The following KALRN variants were observed in gnomAD, a reference collection of about 807,000 sequenced individuals.
The protein encoded by KALRN is kalirin RhoGEF kinase, also known as kalirin.
Under a neutral mutation model 353.7 loss-of-function variants are expected in KALRN, and 70 were observed. The observed-to-expected ratio is 0.20, with a 90% CI of 0.16 to 0.24. The LOEUF (loss-of-function observed/expected upper bound fraction) is 0.24. KALRN is among the 10% of genes least tolerant of loss of function. KALRN has a pLI of 1.00. For synonymous variants in KALRN, 1,391 were observed against 1,434.8 expected (o/e 0.97, Z 0.69); for missense variants, 2,791 against 3,756.7 (o/e 0.74, Z 6.72).
At chr3:124,365,676 A>C (rs532970205) in intron 10 of KALRN, among the ~76,000 whole-genome samples, 1 of 152,180 alleles carries the variant, frequency 6.6e-6, no homozygotes, top group African/African-American at 2.4e-5. Context: ...TTGTGTTGCT[A>C]ATTCTCATTT....
intron 3 of KALRN, among the ~76,000 whole-genome samples, chr3:124,257,998 G>A (rs1167627506): frequency 6.6e-6 from 1 of 152,172 alleles, no homozygotes; most frequent in Non-Finnish European, 1.5e-5. Context: ...AAAAAAAGCA[G>A]GCTACCTGTT....
chr3:124,697,874 C>A (rs2062128281), intron 55 of KALRN, 150 bp downstream of exon 55: 1 of 778,156 alleles, frequency 1.3e-6, no homozygotes, highest in Non-Finnish European at 1.9e-6. Flanking sequence ...ATTGCCCAGG[C>A]TGGTCTCAAA....
At position 124,496,335 on chromosome 3, in the gene KALRN, C is replaced by T. The variant is rs1428680786; in HGVS notation, c.4857C>T (p.Ser1619=). The T allele has an allele frequency of 8.7e-6, 14 of 1,612,704 alleles. No homozygotes were observed. The highest frequency in any genetic ancestry group is 1.2e-5 in the Non-Finnish European group (14 of 1,179,554). ...SKRDGVEDID[S]QGDGSSQPDT... ...GGGATGGAGTGGAGGATATTGACAG[C>T]CAGGGGGATGGGAGCAGCCAACCAG... The change falls in exon 33 of 60, where the codon AGC becomes AGT. Residue 1619 remains serine, a synonymous_variant. Coordinates refer to ENST00000682506, the MANE Select transcript of KALRN (RefSeq NM_001388419.1).
intron 33 of KALRN, among the ~76,000 whole-genome samples, chr3:124,532,951 AC>A (rs1200143030): frequency 1.3e-4 from 20 of 149,626 alleles, no homozygotes; most frequent in East Asian, 7.8e-4. Flanking sequence ...AAAAAAAAAA[AC>A]AAATACACAT....
chr3:124,641,832 G>A (rs996387045), intron 37 of KALRN, among the ~76,000 whole-genome samples: 1 of 152,194 alleles, frequency 6.6e-6, no homozygotes, highest in African/African-American at 2.4e-5. Flanking sequence ...ATGTTGCAGG[G>A]TAATAGTTTG....
intron 33 of KALRN, among the ~76,000 whole-genome samples, chr3:124,553,579 A>G (rs577183128): frequency 6.6e-5 from 10 of 152,224 alleles, no homozygotes; most frequent in African/African-American, 2.4e-4. Context: ...CTAACCATGA[A>G]TTGCTCTTTT....
chr3:124,115,412 G>C (rs1299264438), intron 1 of KALRN, among the ~76,000 whole-genome samples: 1 of 152,156 alleles, frequency 6.6e-6, no homozygotes, highest in African/African-American at 2.4e-5. Context: ...TGATTGTTTC[G>C]ATATGTTCTC....
At chr3:124,521,911 C>A (rs1010736507) in intron 33 of KALRN, among the ~76,000 whole-genome samples, 89 of 152,214 alleles carry the variant, frequency 5.8e-4, no homozygotes, top group Non-Finnish European at 4.4e-4. Flanking sequence ...AGGTGCCAGG[C>A]ACAGTTCTTG....
intron 45 of KALRN, among the ~76,000 whole-genome samples, chr3:124,664,200 A>C (rs144737895): frequency 1.3e-5 from 2 of 151,862 alleles, no homozygotes; most frequent in East Asian, 1.9e-4. Flanking sequence ...AACCTTGAAG[A>C]CCCCATGTTT....
In KALRN at chr3:124,694,332, T is replaced by C; in HGVS notation, c.7406T>C (p.Val2469Ala). The C allele has an allele frequency of 6.2e-7, 1 of 1,613,748 alleles. No individual in the cohort carries two copies. Among genetic ancestry groups the C allele is most frequent in the Non-Finnish European group, 8.5e-7 (1 of 1,179,736 alleles). Residue 2469 changes from valine to alanine, a missense_variant and splice_region_variant, in exon 53 of 60, where the codon GTG (valine) becomes GCG (alanine). Physicochemically the swap from Val to Ala is moderately conservative, Grantham distance 64. Transcript: ENST00000682506. ...TTAATGTATGTTGATTTGATCACAG[T>C]GGCCCCAGAATTCCTTGTGCCCTTG... ...EILNPNFIQE[V>A]APEFLVPLVD...
chr3:124,395,183 T>G lies in KALRN; in HGVS notation c.2011T>G (p.Cys671Gly). Residue 671 changes from cysteine (C) to glycine (G), a missense_variant, in exon 12 of 60, where the codon TGT becomes GGT. Cys to Gly is a radical substitution (Grantham distance 159). This residue lies in a region of KALRN where 452 missense variants were observed against 575.8 expected (regional missense o/e 0.78). Transcript: ENST00000682506. ...DLQKEMLEDV[C>G]ADSVDAVQEL... The stretch of plus-strand genomic sequence containing the variant: ...TCAGAAGGAGATGTTGGAGGATGTC[T>G]GTGCAGATTCTGTGGATGCAGTCCA... 6.2e-7 allele frequency: 1 copy of G among 1,613,620 alleles called. No homozygotes were observed. Among genetic ancestry groups the G allele is most frequent in the Non-Finnish European group, 8.5e-7 (1 of 1,179,930 alleles).
intron 14 of KALRN, among the ~76,000 whole-genome samples, chr3:124,415,078 C>T (rs1397449349): frequency 6.6e-6 from 1 of 152,200 alleles, no homozygotes; most frequent in Non-Finnish European, 1.5e-5. Flanking sequence ...GTGCTGTGAA[C>T]AGACTGCCTC....
intron 33 of KALRN, among the ~76,000 whole-genome samples, chr3:124,503,787 A>C (rs2064891591): frequency 6.6e-6 from 1 of 152,242 alleles, no homozygotes; most frequent in African/African-American, 2.4e-5. Flanking sequence ...AATTTCTTCA[A>C]ATAAATGACT....
At chr3:124,535,134 T>C (rs1354982812) in intron 33 of KALRN, among the ~76,000 whole-genome samples, 1 of 152,066 alleles carries the variant, frequency 6.6e-6, no homozygotes, top group Non-Finnish European at 1.5e-5. Context: ...CAGTGCATGA[T>C]TATATAGTAA....
At chr3:124,342,030 G>T (rs1048672926) in intron 9 of KALRN, among the ~76,000 whole-genome samples, 1 of 152,066 alleles carries the variant, frequency 6.6e-6, no homozygotes, top group African/African-American at 2.4e-5. Context: ...GGGTTAAGAG[G>T]GGGTAGGGCC....
intron 1 of KALRN, among the ~76,000 whole-genome samples, chr3:124,158,633 C>G (rs763583484): frequency 2.6e-5 from 4 of 152,222 alleles, no homozygotes; most frequent in Non-Finnish European, 4.4e-5. Flanking sequence ...TGCAACTCAT[C>G]ATGTTAATGG....
intron 33 of KALRN, among the ~76,000 whole-genome samples, chr3:124,528,409 C>T (rs1369530697): frequency 6.6e-6 from 1 of 152,170 alleles, no homozygotes; most frequent in African/African-American, 2.4e-5. Context: ...AGGAATATGG[C>T]TCAGTCACAG....
intron 1 of KALRN, among the ~76,000 whole-genome samples, chr3:124,202,414 C>A (rs552324325): frequency 6.6e-6 from 1 of 152,050 alleles, no homozygotes; most frequent in Admixed American, 6.6e-5. Flanking sequence ...CCATGCCCAG[C>A]TAATTTTTGT....
chr3:124,099,217 CTA>C (rs1292427463), intron 1 of KALRN: 1 of 152,196 alleles, frequency 6.6e-6, no homozygotes, highest in Non-Finnish European at 1.5e-5. Flanking sequence ...CTCTTTCTGT[CTA>C]TATGTTTGTA....
Sources: allele counts gnomAD v4.1 joint callset (sites outside exome capture counted in the v4.1 genomes callset), GRCh38; gene constraint gnomAD v4.1.1; regional missense constraint gnomAD v4.1.1; transcripts MANE v1.5; gene names NCBI Gene and HGNC (gene_info 2026-07-23, HGNC 2026-07-21).